Variants in TAFA2 observed in about 807,000 individuals in gnomAD.
The protein encoded by TAFA2 is chemokine-like protein TAFA-2.
TAFA2 carries 7 observed loss-of-function variants against 18.8 expected under a neutral mutation model. That is an observed-to-expected ratio of 0.37 (90% CI 0.21 to 0.70). TAFA2 has a LOEUF of 0.70. Among genes scored for constraint, TAFA2 ranks in the 30% least tolerant of loss-of-function variants. The probability of loss-of-function intolerance (pLI) is 0.53; values close to 1 mark genes in which losing one functional copy is unlikely to be tolerated. For synonymous variants in TAFA2, 60 were observed against 54.2 expected, an observed-to-expected ratio of 1.11 and a Z score of -0.47; for missense variants, 122 against 158.1, an observed-to-expected ratio of 0.77 and a Z score of 1.23.
chr12:62,131,201 AGCCC>A (rs1218551435), intron 1 of TAFA2, among the ~76,000 whole-genome samples: 1 of 151,958 alleles, frequency 6.6e-6, no homozygotes, highest in Non-Finnish European at 1.5e-5. Context: ...AAAATGTCAG[AGCCC>A]ATCCTCTGCT....
chr12:61,874,479 C>T (rs1421653618), intron 1 of TAFA2, among the ~76,000 whole-genome samples: 2 of 152,122 alleles, frequency 1.3e-5, no homozygotes, highest in Non-Finnish European at 2.9e-5. Context: ...CATTTAAGAA[C>T]CACAATTATC....
chr12:61,813,541 C>A (rs1353647909), intron 2 of TAFA2, among the ~76,000 whole-genome samples: 4 of 150,870 alleles, frequency 2.7e-5, no homozygotes, highest in Non-Finnish European at 4.4e-5. Flanking sequence ...AAAGATTTTC[C>A]CAATAACAAA....
chr12:62,199,700 G>A (rs1159253728), intron 1 of TAFA2, among the ~76,000 whole-genome samples: 8 of 152,072 alleles, frequency 5.3e-5, no homozygotes, highest in Non-Finnish European at 8.8e-5. Context: ...ATTGTAAATA[G>A]TATTGCAATG....
chr12:62,186,003 C>G (rs2062583411), intron 1 of TAFA2, among the ~76,000 whole-genome samples: 2 of 152,154 alleles, frequency 1.3e-5, no homozygotes, highest in South Asian at 4.1e-4. Context: ...CTCCTCATAG[C>G]CCAGGACATT....
chr12:62,209,600 T>C (rs2062705410), intron 1 of TAFA2, among the ~76,000 whole-genome samples: 1 of 152,242 alleles, frequency 6.6e-6, no homozygotes, highest in South Asian at 2.1e-4. Context: ...CTCAAAGTCC[T>C]ATTCCTCTGT....
chr12:61,885,283 C>T (rs1034552392), intron 1 of TAFA2, among the ~76,000 whole-genome samples: 1 of 152,160 alleles, frequency 6.6e-6, no homozygotes, highest in Non-Finnish European at 1.5e-5. Context: ...TGCTATGCGT[C>T]AGATAAAAGA....
chr12:61,988,658 AAATT>A (rs1213985819), intron 1 of TAFA2, among the ~76,000 whole-genome samples: 1 of 152,294 alleles, frequency 6.6e-6, no homozygotes, highest in African/African-American at 2.4e-5. Context: ...ACATATAATT[AAATT>A]ATCATTCCAC....
chr12:61,757,988 A>G (rs1869356245), intron 2 of TAFA2, among the ~76,000 whole-genome samples: 1 of 151,984 alleles, frequency 6.6e-6, no homozygotes. Flanking sequence ...TGTCTAAAAG[A>G]GGGATATTAA....
intron 1 of TAFA2, among the ~76,000 whole-genome samples, chr12:62,106,550 T>C (rs1869463900): frequency 6.6e-6 from 1 of 152,164 alleles, no homozygotes; most frequent in Non-Finnish European, 1.5e-5. Context: ...ATTCTGTCAA[T>C]TCTAAAATCT....
chr12:61,902,759 G>A (rs1459739117), intron 1 of TAFA2, among the ~76,000 whole-genome samples: 1 of 152,060 alleles, frequency 6.6e-6, no homozygotes, highest in Non-Finnish European at 1.5e-5. Context: ...ACATTCAATT[G>A]ACAATTTGGC....
chr12:62,176,387 G>T (rs1222900963), intron 1 of TAFA2, among the ~76,000 whole-genome samples: 1 of 152,102 alleles, frequency 6.6e-6, no homozygotes, highest in South Asian at 2.1e-4. Flanking sequence ...CACCAGAACT[G>T]CTGCATAGAC....
chr12:61,821,725 A>G (rs1336679376), intron 2 of TAFA2, among the ~76,000 whole-genome samples: 1 of 152,154 alleles, frequency 6.6e-6, no homozygotes, highest in Non-Finnish European at 1.5e-5. Context: ...AATTGACTTT[A>G]TGGAATTTAA....
chr12:61,849,722 T>C (rs565673981), intron 2 of TAFA2, among the ~76,000 whole-genome samples: 1 of 152,306 alleles, frequency 6.6e-6, no homozygotes, highest in East Asian at 1.9e-4. Context: ...ACTAAAAGCC[T>C]AGTGTGACTG....
chr12:61,928,546 GA>G lies in TAFA2; in HGVS notation c.-1-61121del, dbSNP rs373735286. ...TGCTGGGGAGGATATGGAGAAATAA[GA>G]ATGCTTTTACACTGTTGTGGGAACG... On this transcript the variant is annotated intron_variant, in intron 1 of 4. Transcript: ENST00000416284. Among the ~76,000 whole-genome samples the G allele has an allele frequency of 2.0e-3, 304 of 152,240 alleles. 1 individual carries two copies. Among genetic ancestry groups the G allele is most frequent in the African/African-American group, 6.9e-3 (286 of 41,544 alleles).
chr12:62,189,054 T>C (rs889678494), intron 1 of TAFA2, among the ~76,000 whole-genome samples: 3 of 152,198 alleles, frequency 2.0e-5, no homozygotes, highest in East Asian at 1.9e-4. Context: ...TAGCATTATA[T>C]AGGCATTTGC....
intron 1 of TAFA2, among the ~76,000 whole-genome samples, chr12:62,073,743 C>G (rs1882693300): frequency 6.6e-6 from 1 of 152,074 alleles, no homozygotes; most frequent in Non-Finnish European, 1.5e-5. Flanking sequence ...ATGGTAGATA[C>G]TTAGAATAGT....
intron 1 of TAFA2, among the ~76,000 whole-genome samples, chr12:61,919,033 TA>T (rs1259205528): frequency 1.3e-5 from 2 of 152,214 alleles, no homozygotes; most frequent in Non-Finnish European, 2.9e-5. Context: ...TGTGTGTAAG[TA>T]AAGCATATAG....
At chr12:62,259,133 A>G (rs1334685694), upstream of TAFA2, 1 of 152,380 alleles carries the variant, frequency 6.6e-6, no homozygotes, top group Non-Finnish European at 1.5e-5. Context: ...TTCTCACCAA[A>G]TGAGTTAGGG....
intron 2 of TAFA2, among the ~76,000 whole-genome samples, chr12:61,864,564 G>C (rs1353533880): frequency 1.3e-5 from 2 of 151,378 alleles, no homozygotes; most frequent in South Asian, 2.1e-4. Flanking sequence ...ACGAGGTCAG[G>C]AGATCGAGAC....
Sources: allele counts gnomAD v4.1 joint callset (sites outside exome capture counted in the v4.1 genomes callset), GRCh38; gene constraint gnomAD v4.1.1; transcripts MANE v1.5; gene names NCBI Gene and HGNC (gene_info 2026-07-23, HGNC 2026-07-21).